The following TAF2 variants were observed in gnomAD, a reference collection of about 807,000 sequenced individuals.
TAF2 encodes TATA-box binding protein associated factor 2.
A neutral mutation model predicts 138.5 loss-of-function variants in TAF2; 61 were observed. The ratio of observed to expected loss-of-function variants is 0.44; its 90% CI spans 0.36 to 0.54. The LOEUF is 0.54. Among genes scored for constraint, TAF2 ranks in the 20% least tolerant of loss-of-function variants. TAF2 has a pLI of 0.00. For missense variants in TAF2, 1,090 were observed against 1,427.9 expected, an observed-to-expected ratio of 0.76 and a Z score of 3.81; for synonymous variants, 475 against 469.9, an observed-to-expected ratio of 1.01 and a Z score of -0.14.
rs562210713 is a variant in TAF2, at chr8:119,765,469, T to C, written c.2365-2861A>G. On this transcript the variant is annotated intron_variant, in intron 18 of 25. Transcript: ENST00000378164. ...GCACCCTTGGGTTAAGGAGACAACA[T>C]TAACAAAAGTACAAGAGGCATGAAA... 1.2e-4 allele frequency among the ~76,000 whole-genome samples: 19 copies of C among 152,084 alleles called. No homozygotes were observed. In the South Asian group the frequency reaches 3.7e-3, roughly 30 times the overall value.
chr8:119,812,947 T>C (rs1301605897), intron 3 of TAF2, among the ~76,000 whole-genome samples: 1 of 152,206 alleles, frequency 6.6e-6, no homozygotes, highest in Non-Finnish European at 1.5e-5. Flanking sequence ...GGGACTTATT[T>C]TCCTTTTAAT....
At chr8:119,760,192 T>C (rs538449964) in intron 20 of TAF2, among the ~76,000 whole-genome samples, 10 of 152,310 alleles carry the variant, frequency 6.6e-5, no homozygotes, top group Admixed American at 2.6e-4. Flanking sequence ...ATGTTTTTTC[T>C]ATATTCATGA....
chr8:119,776,679 ACT>A (rs1249624699), intron 18 of TAF2, among the ~76,000 whole-genome samples: 7 of 151,620 alleles, frequency 4.6e-5, no homozygotes, highest in Non-Finnish European at 1.0e-4. Flanking sequence ...ACTGAGTGAG[ACT>A]CTGTCTCAAA....
chr8:119,742,283 ATAATTTTTTTC>A (rs1819645757), intron 25 of TAF2, among the ~76,000 whole-genome samples: 1 of 152,110 alleles, frequency 6.6e-6, no homozygotes, highest in African/African-American at 2.4e-5. Flanking sequence ...CATATGGGGG[ATAATTTTTTTC>A]TCACCTAATT....
chr8:119,819,807 T>TA (rs1291477951), intron 2 of TAF2, among the ~76,000 whole-genome samples: 1 of 151,128 alleles, frequency 6.6e-6, no homozygotes, highest in Non-Finnish European at 1.5e-5. Context: ...CTAAACAGAC[T>TA]AGGCCCTAAA....
chr8:119,778,395 G>A (rs915861294), intron 17 of TAF2, among the ~76,000 whole-genome samples: 2 of 152,210 alleles, frequency 1.3e-5, no homozygotes, highest in African/African-American at 2.4e-5. Flanking sequence ...TCATTTGCTG[G>A]AGGAAATATA....
intron 20 of TAF2, among the ~76,000 whole-genome samples, chr8:119,758,666 C>T (rs1820861358): frequency 6.6e-6 from 1 of 152,116 alleles, no homozygotes; most frequent in African/African-American, 2.4e-5. Context: ...ATATAGTTGA[C>T]ATAAAATGAC....
chr8:119,782,738 C>G (rs1344885450), intron 16 of TAF2, among the ~76,000 whole-genome samples: 1 of 152,128 alleles, frequency 6.6e-6, no homozygotes, highest in African/African-American at 2.4e-5. Flanking sequence ...TCTTAATTAA[C>G]TTTTCTAGAA....
chr8:119,786,758 C>G (rs1823038962), intron 14 of TAF2, among the ~76,000 whole-genome samples: 1 of 152,078 alleles, frequency 6.6e-6, no homozygotes. Flanking sequence ...CCTGTCTCTA[C>G]TAAAAATACA....
chr8:119,813,098 T>A (rs983536887), intron 3 of TAF2, among the ~76,000 whole-genome samples: 3 of 152,146 alleles, frequency 2.0e-5, no homozygotes, highest in Admixed American at 1.3e-4. Flanking sequence ...CACGCCAACA[T>A]CTGTTTTTTT....
chr8:119,812,434 T>C (rs1454372002), intron 3 of TAF2, among the ~76,000 whole-genome samples: 2 of 152,044 alleles, frequency 1.3e-5, no homozygotes, highest in Admixed American at 6.6e-5. Flanking sequence ...GTTGCCCAAG[T>C]AGTGTACATT....
At chr8:119,744,715 A>G (rs1170349115) in intron 23 of TAF2, 4 of 393,928 alleles carry the variant, frequency 1.0e-5, no homozygotes, top group East Asian at 6.1e-5. Context: ...ATGTGATAAT[A>G]TAAGTTAAAT....
intron 18 of TAF2, chr8:119,766,928 A>C (rs940808589): frequency 6.6e-6 from 1 of 152,186 alleles, no homozygotes; most frequent in African/African-American, 2.4e-5. Context: ...TAGGGTAAAG[A>C]AGCGCTCTCA....
At chr8:119,750,008 T>C (rs1486973432) in intron 22 of TAF2, among the ~76,000 whole-genome samples, 3 of 152,166 alleles carry the variant, frequency 2.0e-5, no homozygotes, top group Non-Finnish European at 4.4e-5. Context: ...AATCAGAAAG[T>C]GCCTTGAGAC....
chr8:119,810,021 T>C (rs1350383994), intron 3 of TAF2, among the ~76,000 whole-genome samples: 2 of 96,190 alleles, frequency 2.1e-5, no homozygotes, highest in Admixed American at 1.2e-4. Context: ...AAAAAAACAG[T>C]ATCTGCGAGG....
In TAF2 at chr8:119,809,226, TACAG is replaced by T. The variant is rs571871927; in HGVS notation, c.300-2829_300-2826del. 5.3e-3 allele frequency among the ~76,000 whole-genome samples: 806 copies of T among 152,346 alleles called. 7 individuals carry two copies. Among genetic ancestry groups the T allele is most frequent in the Non-Finnish European group, 5.0e-3 (338 of 68,030 alleles). Reference sequence around the variant, plus strand: ...GTTGCTTCACCTTGCACTTTCATGTTACAGACAAAGTTTCTTTTCTTAAACCTCA... The same window carrying T: ...GTTGCTTCACCTTGCACTTTCATGTTACAAAGTTTCTTTTCTTAAACCTCA... On this transcript the variant is annotated intron_variant, in intron 3 of 25. Coordinates refer to ENST00000378164, the MANE Select transcript of TAF2 (RefSeq NM_003184.4).
chr8:119,778,141 A>G lies in TAF2; in HGVS notation c.2254-12T>C. 1 of 1,540,424 alleles carries G rather than the reference A, an allele frequency of 6.5e-7. No individual in the cohort carries two copies. The highest frequency in any genetic ancestry group is 2.3e-5 in the East Asian group (1 of 44,442). ...GCAACTGGCATAGTCTACAAAAGAA[A>G]AAAAAGAACTTTTAAAAGCACAGAA... On this transcript the variant is annotated splice_polypyrimidine_tract_variant and intron_variant, in intron 17 of 25. Coordinates refer to ENST00000378164, the MANE Select transcript of TAF2 (RefSeq NM_003184.4).
intron 3 of TAF2, among the ~76,000 whole-genome samples, chr8:119,812,735 G>C (rs1032148275): frequency 7.4e-6 from 1 of 135,540 alleles, no homozygotes; most frequent in African/African-American, 3.0e-5. Flanking sequence ...GTGTGTGTGT[G>C]TGTGTGTGTG....
chr8:119,786,180 T>C (rs1458978448), intron 14 of TAF2, among the ~76,000 whole-genome samples: 2 of 152,124 alleles, frequency 1.3e-5, no homozygotes, highest in African/African-American at 4.8e-5. Context: ...AATTGTTGTG[T>C]TAAATAAGGG....
Sources: allele counts gnomAD v4.1 joint callset (sites outside exome capture counted in the v4.1 genomes callset), GRCh38; gene constraint gnomAD v4.1.1; transcripts MANE v1.5; gene names NCBI Gene and HGNC (gene_info 2026-07-23, HGNC 2026-07-21).